Variants in HNF4G observed in about 807,000 individuals in gnomAD.
The protein encoded by HNF4G is hepatocyte nuclear factor 4-gamma.
HNF4G carries 21 observed loss-of-function variants against 50.9 expected under a neutral mutation model. That is an observed-to-expected ratio of 0.41 (90% CI 0.29 to 0.59). The LOEUF is 0.59. Among genes scored for constraint, HNF4G ranks in the 20% least tolerant of loss-of-function variants. The pLI is 0.26. For missense variants in HNF4G, 527 were observed against 559.4 expected, an observed-to-expected ratio of 0.94 and a Z score of 0.58; for synonymous variants, 198 against 185.6, an observed-to-expected ratio of 1.07 and a Z score of -0.54.
intron 1 of HNF4G, among the ~76,000 whole-genome samples, chr8:75,466,280 G>A (rs1811968700): frequency 6.6e-6 from 1 of 152,010 alleles, no homozygotes; most frequent in African/African-American, 2.4e-5. Flanking sequence ...AACAAGCAAT[G>A]ACTGCCTCTT....
chr8:75,525,472 T>C (rs761899950), intron 2 of HNF4G, among the ~76,000 whole-genome samples: 14 of 152,152 alleles, frequency 9.2e-5, no homozygotes, highest in Non-Finnish European at 1.6e-4. Context: ...CCGGCCTCCA[T>C]TGGTTTTTCT....
intron 9 of HNF4G, among the ~76,000 whole-genome samples, chr8:75,563,186 G>GT (rs1347706794): frequency 2.0e-5 from 3 of 152,022 alleles, no homozygotes; most frequent in Admixed American, 6.6e-5. Context: ...AACAATAAGC[G>GT]TGAGTACTAA....
At chr8:75,471,554 T>C (rs1300964864) in intron 1 of HNF4G, among the ~76,000 whole-genome samples, 1 of 152,218 alleles carries the variant, frequency 6.6e-6, no homozygotes, top group African/African-American at 2.4e-5. Flanking sequence ...TGAAAGTAAG[T>C]AGTGGAACTC....
intron 2 of HNF4G, among the ~76,000 whole-genome samples, chr8:75,499,971 A>G (rs1191025506): frequency 6.6e-6 from 1 of 152,146 alleles, no homozygotes; most frequent in Non-Finnish European, 1.5e-5. Context: ...TGTATTAGGC[A>G]ATGGACTATT....
At chr8:75,521,300 A>G (rs117265997) in intron 2 of HNF4G, among the ~76,000 whole-genome samples, 1,635 of 152,362 alleles carry the variant, frequency 0.011, 22 homozygotes, top group African/African-American at 0.037. Context: ...AAAGAAGACC[A>G]GTGAAATATA....
intron 1 of HNF4G, among the ~76,000 whole-genome samples, chr8:75,481,837 A>T (rs1812387699): frequency 6.6e-6 from 1 of 151,512 alleles, no homozygotes; most frequent in Non-Finnish European, 1.5e-5. Context: ...AACAAAAAAA[A>T]ATGTGTAATG....
At chr8:75,481,289 A>G (rs1480368616) in intron 1 of HNF4G, among the ~76,000 whole-genome samples, 3 of 152,170 alleles carry the variant, frequency 2.0e-5, no homozygotes, top group African/African-American at 7.2e-5. Context: ...AGTCAGACAC[A>G]GGAGTTACCA....
chr8:75,515,312 G>A (rs1323828347), intron 2 of HNF4G, among the ~76,000 whole-genome samples: 1 of 151,998 alleles, frequency 6.6e-6, no homozygotes, highest in East Asian at 1.9e-4. Context: ...TGAGATTTTA[G>A]TTTATTGATT....
chr8:75,558,870 A>G lies in HNF4G; in HGVS notation c.956A>G (p.Asp319Gly), dbSNP rs1351385641. 7.4e-6 allele frequency: 12 copies of G among 1,614,076 alleles called. No homozygotes were observed. The highest frequency in any genetic ancestry group is 1.0e-5 in the Non-Finnish European group (12 of 1,179,988). ...MRFQVQIGLE[D>G]YINDRQYDSR... The stretch of plus-strand genomic sequence containing the variant: ...TTCCAAGTGCAGATCGGTTTGGAGG[A>G]CTACATCAATGATCGGCAGTATGAC... Residue 319 changes from aspartate to glycine, a missense_variant, in exon 8 of 10, where the codon GAC (aspartate) becomes GGC (glycine). Physicochemically the swap from Asp to Gly is moderately conservative, Grantham distance 94. Coordinates refer to ENST00000396423, the MANE Select transcript of HNF4G (RefSeq NM_004133.5).
chr8:75,408,387 G>C (rs1451032978), intron 1 of HNF4G, among the ~76,000 whole-genome samples: 1 of 152,086 alleles, frequency 6.6e-6, no homozygotes, highest in African/African-American at 2.4e-5. Context: ...CTGGGGCAAG[G>C]CCAGGACAAA....
intron 2 of HNF4G, among the ~76,000 whole-genome samples, chr8:75,504,759 C>T (rs1585903213): frequency 6.6e-6 from 1 of 151,996 alleles, no homozygotes; most frequent in African/African-American, 2.4e-5. Flanking sequence ...TAAGGTCTTT[C>T]TATTAGATCT....
rs191334723 is a variant in HNF4G at position 75,542,080 on chromosome 8, C to T, written c.119-1731C>T. 6.9e-3 allele frequency among the ~76,000 whole-genome samples: 1,050 copies of T among 152,092 alleles called. 10 individuals carry two copies. Among genetic ancestry groups the T allele is most frequent in the South Asian group, 0.033 (157 of 4,818 alleles). ...CTTTGGGAGGCTAAGGCAGGAGGATCGCTTGAGCCCAAGAGTTTAAGACCA... is the reference window on the plus strand; with the variant it reads ...CTTTGGGAGGCTAAGGCAGGAGGATTGCTTGAGCCCAAGAGTTTAAGACCA... On this transcript the variant is annotated intron_variant, in intron 1 of 9. Coordinates refer to ENST00000396423, the MANE Select transcript of HNF4G (RefSeq NM_004133.5).
intron 2 of HNF4G, among the ~76,000 whole-genome samples, chr8:75,534,095 T>G (rs1342463677): frequency 6.6e-6 from 1 of 151,910 alleles, no homozygotes; most frequent in Non-Finnish European, 1.5e-5. Context: ...GATAACTTCC[T>G]TCCCTTCATT....
At chr8:75,470,841 G>A (rs559587615) in intron 1 of HNF4G, among the ~76,000 whole-genome samples, 41 of 152,274 alleles carry the variant, frequency 2.7e-4, no homozygotes, top group Middle Eastern at 3.4e-3. Flanking sequence ...TTAAATATTA[G>A]TCAAATAATG....
intron 1 of HNF4G, among the ~76,000 whole-genome samples, chr8:75,426,871 A>G (rs1810902395): frequency 6.6e-6 from 1 of 152,188 alleles, no homozygotes; most frequent in Admixed American, 6.5e-5. Flanking sequence ...TCGCTTGTTA[A>G]AACTCCATTA....
At chr8:75,499,718 C>T (rs566716960) in intron 2 of HNF4G, among the ~76,000 whole-genome samples, 34 of 151,626 alleles carry the variant, frequency 2.2e-4, no homozygotes, top group African/African-American at 8.2e-4. Context: ...ATTTAGAGTC[C>T]AGTGGGGGGA....
intron 1 of HNF4G, among the ~76,000 whole-genome samples, chr8:75,424,438 G>A (rs924473134): frequency 1.3e-5 from 2 of 151,944 alleles, no homozygotes; most frequent in Non-Finnish European, 2.9e-5. Context: ...TTTGTTACAA[G>A]GGTATATTGG....
At chr8:75,449,511 T>TA in intron 1 of HNF4G, among the ~76,000 whole-genome samples, 1 of 144,250 alleles carries the variant, frequency 6.9e-6, no homozygotes, top group Non-Finnish European at 1.5e-5. Context: ...ATTTTTTTCT[T>TA]TTTTTTTTTT....
chr8:75,523,384 G>C (rs1203285740), intron 2 of HNF4G, among the ~76,000 whole-genome samples: 2 of 151,846 alleles, frequency 1.3e-5, no homozygotes, highest in East Asian at 3.9e-4. Context: ...AATTTCACAG[G>C]CTCTCTAATT....
Sources: allele counts gnomAD v4.1 joint callset (sites outside exome capture counted in the v4.1 genomes callset), GRCh38; gene constraint gnomAD v4.1.1; transcripts MANE v1.5; gene names NCBI Gene and HGNC (gene_info 2026-07-23, HGNC 2026-07-21).